RPS6KA1: variants seen among roughly 807,000 people sequenced by gnomAD.
The protein encoded by RPS6KA1 is ribosomal protein S6 kinase alpha-1.
A neutral mutation model predicts 91.3 loss-of-function variants in RPS6KA1; 48 were observed. That is an observed-to-expected ratio of 0.53 (90% CI 0.42 to 0.67). The LOEUF (loss-of-function observed/expected upper bound fraction) is 0.67. RPS6KA1 is among the 30% of genes least tolerant of loss of function. RPS6KA1 has a pLI of 0.00. For synonymous variants in RPS6KA1, 359 were observed against 384.7 expected (o/e 0.93, Z 0.78); for missense variants, 719 against 960.5 (o/e 0.75, Z 3.32).
Position 26,546,879 on chromosome 1 carries a change from C to T in RPS6KA1, c.121C>T (p.Leu41Phe). ...GTCCCTCCATCAGGATGAGGGCGTC[C>T]TCAAGGAGATCTCCATCACGCACCA... ...GLQPSKDEGV[L>F]KEISITHHVK... Residue 41 changes from leucine to phenylalanine, a missense_variant, in exon 3 of 22, where the codon CTC becomes TTC. Transcript: ENST00000374168. 6.2e-7 allele frequency: 1 copy of T among 1,614,058 alleles called. No individual in the cohort carries two copies. Among genetic ancestry groups the T allele is most frequent in the Non-Finnish European group, 8.5e-7 (1 of 1,179,958 alleles).
In RPS6KA1 at chr1:26,540,096, C is replaced by T. The variant is rs1402563457; in HGVS notation, c.108+3127C>T. On this transcript the variant is annotated intron_variant, in intron 2 of 21. Transcript: ENST00000374168. This position sits in a 1 kb window ranked among gnomAD's most constrained non-coding sequence, Gnocchi z 4.2. The stretch of plus-strand genomic sequence containing the variant: ...CCAGCCACCCTCCTAGTACCTGGGG[C>T]CCTGTGGCTGGGCTCTGTCCCTTCA... 6.6e-6 allele frequency among the ~76,000 whole-genome samples: 1 copy of T among 152,134 alleles called. No homozygotes were observed. Among genetic ancestry groups the T allele is most frequent in the Non-Finnish European group, 1.5e-5 (1 of 68,020 alleles).
At chr1:26,569,607 G>A (rs186167552) in intron 17 of RPS6KA1, among the ~76,000 whole-genome samples, 46 of 152,346 alleles carry the variant, frequency 3.0e-4, no homozygotes, top group African/African-American at 1.1e-3. Context: ...AGGGCTTGGA[G>A]ATCAACTGAG....
At chr1:26,530,445 C>T (rs2075859460) in intron 1 of RPS6KA1, among the ~76,000 whole-genome samples, 1 of 152,220 alleles carries the variant, frequency 6.6e-6, no homozygotes, top group Non-Finnish European at 1.5e-5. Flanking sequence ...AGGATTGCTC[C>T]TCTTGACCCC....
chr1:26,543,129 CG>C (rs1435125859), intron 2 of RPS6KA1: 5 of 1,535,032 alleles, frequency 3.3e-6, no homozygotes, highest in Non-Finnish European at 4.4e-6. Context: ...GGAAGAGTAA[CG>C]GGGCCCTCTG....
At chr1:26,560,896 G>A (rs750273351) in intron 15 of RPS6KA1, 45 bp downstream of exon 15, 11 of 1,613,194 alleles carry the variant, frequency 6.8e-6, no homozygotes, top group Admixed American at 1.7e-5. Flanking sequence ...TGGGTTGGGG[G>A]CAGGTCCCCG....
intron 6 of RPS6KA1, among the ~76,000 whole-genome samples, chr1:26,552,172 G>A (rs771095088): frequency 4.5e-4 from 68 of 152,070 alleles, no homozygotes; most frequent in Non-Finnish European, 9.0e-4. Context: ...GGCAGATCAG[G>A]AGGTCAGGAG....
chr1:26,548,069 T>C (rs2076011333), intron 4 of RPS6KA1, among the ~76,000 whole-genome samples: 1 of 151,890 alleles, frequency 6.6e-6, no homozygotes, highest in Non-Finnish European at 1.5e-5. Flanking sequence ...AGCCAAATCC[T>C]AGCTGGGGAG....
chr1:26,550,121 C>T (rs1455428445), intron 4 of RPS6KA1, among the ~76,000 whole-genome samples: 2 of 151,748 alleles, frequency 1.3e-5, no homozygotes, highest in Non-Finnish European at 2.9e-5. Context: ...TCAGGTGATC[C>T]GCCTTCCTCA....
At chr1:26,545,439 G>A (rs2075985659) in intron 2 of RPS6KA1, among the ~76,000 whole-genome samples, 1 of 151,148 alleles carries the variant, frequency 6.6e-6, no homozygotes, top group African/African-American at 2.4e-5. Flanking sequence ...GCCTCCCAAA[G>A]TGCTGGGATT....
At position 26,574,115 on chromosome 1, in the gene RPS6KA1, T is replaced by C; in HGVS notation, c.2122T>C (p.Ser708Pro). The change falls in exon 22 of 22, where the codon TCC becomes CCC. Residue 708 changes from serine to proline, a missense_variant. Physicochemically the swap from Ser to Pro is moderately conservative, Grantham distance 74. Transcript: ENST00000374168. This position sits in a 1 kb window ranked among gnomAD's most constrained non-coding sequence, Gnocchi z 4.3. ...TGCCACGTACTCCGCACTCAACAGC[T>C]CCAAGCCCACCCCCCAGCTGAAGCC... The part of the protein sequence containing the change: ...MAATYSALNS[S>P]KPTPQLKPIE... 1 of 1,613,978 alleles carries C rather than the reference T, an allele frequency of 6.2e-7. No individual in the cohort carries two copies. The highest frequency in any genetic ancestry group is 8.5e-7 in the Non-Finnish European group (1 of 1,179,978).
Position 26,540,725 on chromosome 1 carries a change from G to A in RPS6KA1, c.108+3756G>A, listed in dbSNP as rs920862316. Among the ~76,000 whole-genome samples the A allele has an allele frequency of 3.9e-5, 6 of 152,124 alleles. No homozygotes were observed. Among genetic ancestry groups the A allele is most frequent in the African/African-American group, 9.7e-5 (4 of 41,430 alleles). ...GGAGTAGCTGGGACTACAGGCGCAC[G>A]CCACTATGCCCAGCCAGGAGTTCAA... On this transcript the variant is annotated intron_variant, in intron 2 of 21. Transcript: ENST00000374168. This position sits in a 1 kb window ranked among gnomAD's most constrained non-coding sequence, Gnocchi z 4.2.
chr1:26,572,790 A>G (rs1041023028), intron 20 of RPS6KA1, among the ~76,000 whole-genome samples: 2 of 152,138 alleles, frequency 1.3e-5, no homozygotes, highest in African/African-American at 4.8e-5. Context: ...TGAACCCTCT[A>G]TGTACGGCCG....
At position 26,551,722 on chromosome 1, in the gene RPS6KA1, A is replaced by G. The variant is rs757842544; in HGVS notation, c.467A>G (p.Glu156Gly). Residue 156 changes from glutamate (E) to glycine (G), a missense_variant and splice_region_variant, in exon 6 of 22, where the codon GAG becomes GGG. This residue lies in a region of RPS6KA1 where 159 missense variants were observed against 264.5 expected (regional missense o/e 0.60). Transcript: ENST00000374168. This position sits in a 1 kb window ranked among gnomAD's most constrained non-coding sequence, Gnocchi z 4.5. The stretch of plus-strand genomic sequence containing the variant: ...GACCTCTTCACCCGGCTCTCAAAAG[A>G]GGTGAGCTGACATCTACTGCCAGAG... ...GGDLFTRLSKEVMFTEEDVKF... is the reference protein window; with the variant it reads ...GGDLFTRLSKGVMFTEEDVKF... The G allele has an allele frequency of 6.2e-7, 1 of 1,613,654 alleles. No individual in the cohort carries two copies. The highest frequency in any genetic ancestry group is 1.1e-5 in the South Asian group (1 of 91,062).
intron 7 of RPS6KA1, 111 bp downstream of exon 7, chr1:26,553,608 T>C: frequency 1.7e-6 from 1 of 604,664 alleles, no homozygotes; most frequent in Non-Finnish European, 2.9e-6. Context: ...CTCCCTCTCT[T>C]GGGCAATCTG....
Position 26,553,479 on chromosome 1 carries a change from G to A in RPS6KA1, c.557G>A (p.Arg186Lys), listed in dbSNP as rs1488358283. The A allele has an allele frequency of 6.2e-7, 1 of 1,611,452 alleles. No individual in the cohort carries two copies. Among genetic ancestry groups the A allele is most frequent in the African/African-American group, 1.3e-5 (1 of 74,788 alleles). The change falls in exon 7 of 22, where the codon AGA (arginine) becomes AAA (lysine). Residue 186 changes from arginine (R) to lysine (K), a missense_variant. Physicochemically the swap from Arg to Lys is conservative, Grantham distance 26 (BLOSUM62 2). Transcript: ENST00000374168. ...DHLHSLGIIYRDLKPENILLD... is the reference protein window; with the variant it reads ...DHLHSLGIIYKDLKPENILLD... The stretch of plus-strand genomic sequence containing the variant: ...CTGCACAGCCTGGGTATCATTTACA[G>A]AGACCTCAAGCCTGAGAAGTGAGTG...
intron 17 of RPS6KA1, among the ~76,000 whole-genome samples, chr1:26,566,782 G>A (rs956865507): frequency 5.3e-5 from 8 of 152,036 alleles, no homozygotes; most frequent in African/African-American, 1.9e-4. Context: ...TTCTTAAGTC[G>A]CCAGGCTCCC....
chr1:26,574,449 A>G lies in RPS6KA1; in HGVS notation c.*248A>G. The G allele has an allele frequency of 1.4e-6, 1 of 695,928 alleles. No homozygotes were observed. Among genetic ancestry groups the G allele is most frequent in the Non-Finnish European group, 2.7e-6 (1 of 367,228 alleles). 43.1% of individuals were successfully genotyped at this position (695,928 alleles called of 1,614,324 possible). Reference sequence around the variant, plus strand: ...GTATAAACTTTTTTTTATGAAAAAAATGGCATCAACCACCATGGATTTTTA... The same window carrying G: ...GTATAAACTTTTTTTTATGAAAAAAGTGGCATCAACCACCATGGATTTTTA... On this transcript the variant is annotated 3_prime_UTR_variant, in exon 22 of 22. Transcript: ENST00000374168. The surrounding 1 kb of genome is among the most constrained non-coding windows in gnomAD (Gnocchi z 4.3).
chr1:26,543,083 C>A, intron 2 of RPS6KA1: 1 of 1,468,286 alleles, frequency 6.8e-7, no homozygotes, highest in South Asian at 1.2e-5. Context: ...AGAGACCCTG[C>A]CTTCTGGGCC....
intron 4 of RPS6KA1, among the ~76,000 whole-genome samples, chr1:26,550,138 C>G (rs1227488913): frequency 1.3e-5 from 2 of 150,558 alleles, no homozygotes; most frequent in African/African-American, 2.4e-5. Context: ...CTCAGCCTCC[C>G]AAAGTGCTAG....
Sources: allele counts gnomAD v4.1 joint callset (sites outside exome capture counted in the v4.1 genomes callset), GRCh38; gene constraint gnomAD v4.1.1; regional missense constraint gnomAD v4.1.1; non-coding constraint Gnocchi (gnomAD v3.1); transcripts MANE v1.5; gene names NCBI Gene and HGNC (gene_info 2026-07-23, HGNC 2026-07-21).